The following ALCAM variants were observed in gnomAD, a reference collection of about 807,000 sequenced individuals.
ALCAM encodes CD166 antigen.
Under a neutral mutation model 70.9 loss-of-function variants are expected in ALCAM, and 30 were observed. That is an observed-to-expected ratio of 0.42 (90% CI 0.32 to 0.57). The LOEUF (loss-of-function observed/expected upper bound fraction) is 0.57. ALCAM is among the 20% of genes least tolerant of loss of function. The pLI is 0.11. For synonymous variants in ALCAM, 249 were observed against 242.5 expected (o/e 1.03, Z -0.25); for missense variants, 591 against 695.1 (o/e 0.85, Z 1.68).
intron 1 of ALCAM, among the ~76,000 whole-genome samples, chr3:105,369,586 G>A (rs1010548414): frequency 1.3e-5 from 2 of 152,260 alleles, no homozygotes; most frequent in African/African-American, 4.8e-5. Context: ...GTCTTGGACA[G>A]TAAGTGCGCC....
intron 1 of ALCAM, among the ~76,000 whole-genome samples, chr3:105,412,397 A>G (rs1037931643): frequency 3.3e-5 from 5 of 152,122 alleles, no homozygotes; most frequent in Non-Finnish European, 7.4e-5. Flanking sequence ...TTTGAAATGC[A>G]GTACTTGAAA....
At chr3:105,553,251 A>C (rs1940451767) in intron 14 of ALCAM, 1 of 392,558 alleles carries the variant, frequency 2.5e-6, no homozygotes, top group African/African-American at 2.2e-5. Context: ...AATCCGATGA[A>C]CCAGCGAAGA....
chr3:105,529,009 G>GCA (rs550593828), intron 3 of ALCAM, among the ~76,000 whole-genome samples: 12 of 151,278 alleles, frequency 7.9e-5, no homozygotes, highest in African/African-American at 2.2e-4. Context: ...GCGTGCACAC[G>GCA]CACACACACA....
chr3:105,486,588 A>G (rs1257235387), intron 1 of ALCAM, among the ~76,000 whole-genome samples: 1 of 152,130 alleles, frequency 6.6e-6, no homozygotes. Context: ...GTTTTATATC[A>G]TTTGACATTT....
chr3:105,460,851 G>C (rs1662990550), intron 1 of ALCAM, among the ~76,000 whole-genome samples: 1 of 151,900 alleles, frequency 6.6e-6, no homozygotes, highest in South Asian at 2.1e-4. Flanking sequence ...TCTTTTCATT[G>C]ATTACTACTT....
chr3:105,443,905 A>AC (rs898794194), intron 1 of ALCAM, among the ~76,000 whole-genome samples: 1 of 152,102 alleles, frequency 6.6e-6, no homozygotes, highest in African/African-American at 2.4e-5. Context: ...CACAATGCCA[A>AC]AAAAACATAG....
intron 3 of ALCAM, among the ~76,000 whole-genome samples, chr3:105,526,725 G>A (rs771419321): frequency 1.3e-5 from 2 of 152,084 alleles, no homozygotes; most frequent in Non-Finnish European, 2.9e-5. Flanking sequence ...GTTTTGTTTT[G>A]TTTTCAATGA....
At chr3:105,386,110 A>G (rs1395639919) in intron 1 of ALCAM, among the ~76,000 whole-genome samples, 2 of 151,658 alleles carry the variant, frequency 1.3e-5, no homozygotes, top group Non-Finnish European at 3.0e-5. Flanking sequence ...TCTTCACCCA[A>G]AGAGTTGACC....
chr3:105,566,629 G>A (rs1163479685), intron 14 of ALCAM, among the ~76,000 whole-genome samples: 1 of 151,936 alleles, frequency 6.6e-6, no homozygotes, highest in African/African-American at 2.4e-5. Flanking sequence ...GTTGCTATAA[G>A]GATTACAATA....
chr3:105,558,118 CA>C (rs1940557737), intron 14 of ALCAM, among the ~76,000 whole-genome samples: 1 of 151,988 alleles, frequency 6.6e-6, no homozygotes, highest in Admixed American at 6.6e-5. Flanking sequence ...TAACTACCTG[CA>C]CAGGTATCAA....
Position 105,367,330 on chromosome 3 carries a change from C to T in ALCAM, c.-79C>T. The stretch of plus-strand genomic sequence containing the variant: ...CCCTGCGTCGGGACCCGCCAGCGCG[C>T]GGGCACCGCGGGGCCCGGGACGACG... On this transcript the variant is annotated 5_prime_UTR_variant, in exon 1 of 16. Transcript: ENST00000306107. 2 of 1,480,414 alleles carry T rather than the reference C, an allele frequency of 1.4e-6. No homozygotes were observed. Among genetic ancestry groups the T allele is most frequent in the South Asian group, 1.2e-5 (1 of 85,970 alleles). The allele number at this position is 1,480,414 out of a possible 1,614,324, so 91.7% of individuals were successfully genotyped here. A position where few individuals can be genotyped will look rare whatever the true frequency, so the allele number is the denominator to read the frequency against.
At chr3:105,560,673 AG>A (rs745792114) in intron 14 of ALCAM, among the ~76,000 whole-genome samples, 8 of 152,166 alleles carry the variant, frequency 5.3e-5, no homozygotes, top group Non-Finnish European at 1.0e-4. Context: ...TTGACATTGA[AG>A]GGTATGATCT....
At chr3:105,438,165 C>T (rs771985126) in intron 1 of ALCAM, among the ~76,000 whole-genome samples, 6 of 151,702 alleles carry the variant, frequency 4.0e-5, no homozygotes, top group Non-Finnish European at 5.9e-5. Context: ...TGATCTTCTG[C>T]TACTGGGTAT....
intron 1 of ALCAM, 146 bp downstream of exon 1, chr3:105,367,627 C>A: frequency 1.1e-6 from 1 of 910,926 alleles, no homozygotes; most frequent in Non-Finnish European, 1.7e-6. Context: ...AGAGCTGTCC[C>A]CGGGCTCGGT....
chr3:105,420,609 C>T (rs1439104677), intron 1 of ALCAM, among the ~76,000 whole-genome samples: 1 of 151,624 alleles, frequency 6.6e-6, no homozygotes, highest in Non-Finnish European at 1.5e-5. Flanking sequence ...GCTCACAGGA[C>T]ATTTATTAAT....
chr3:105,388,117 A>G (rs1248932651), intron 1 of ALCAM, among the ~76,000 whole-genome samples: 4 of 151,662 alleles, frequency 2.6e-5, no homozygotes, highest in Non-Finnish European at 5.9e-5. Context: ...AAGACAAGGA[A>G]GTACAACCTC....
rs1037894348 is a variant in ALCAM, at chr3:105,367,229, G to A, written c.-180G>A. The A allele has an allele frequency of 9.9e-6, 6 of 608,610 alleles. No homozygotes were observed. The highest frequency in any genetic ancestry group is 9.4e-5 in the African/African-American group (5 of 53,410). 37.7% of individuals were successfully genotyped at this position (608,610 alleles called of 1,614,324 possible). A position where few individuals can be genotyped will look rare whatever the true frequency, so the allele number is the denominator to read the frequency against. ...GAGGAGTTGGGGGCATTGCGTGGTG[G>A]AAAGTTGCGTGCGGCAGAGAACCGA... On this transcript the variant is annotated 5_prime_UTR_variant, in exon 1 of 16. Coordinates refer to ENST00000306107, the MANE Select transcript of ALCAM (RefSeq NM_001627.4).
At chr3:105,429,257 C>T (rs1447950972) in intron 1 of ALCAM, among the ~76,000 whole-genome samples, 2 of 151,962 alleles carry the variant, frequency 1.3e-5, no homozygotes, top group African/African-American at 4.8e-5. Context: ...CTGGAGTTCA[C>T]TGTCAAACAG....
intron 1 of ALCAM, among the ~76,000 whole-genome samples, chr3:105,518,139 A>G (rs757384157): frequency 3.3e-5 from 5 of 152,128 alleles, no homozygotes; most frequent in Non-Finnish European, 7.4e-5. Flanking sequence ...TTTACCTGGC[A>G]AAGGATTCAC....
Sources: gnomAD v4.1 joint callset for allele counts (sites outside exome capture counted in the v4.1 genomes callset) on GRCh38, gnomAD v4.1.1 for gene constraint, MANE v1.5 for transcripts, NCBI Gene and HGNC (gene_info 2026-07-23, HGNC 2026-07-21) for gene names.